Variants in UBE2J2 observed in about 807,000 individuals in gnomAD.
UBE2J2 encodes ubiquitin-conjugating enzyme E2 J2.
Under a neutral mutation model 28.6 loss-of-function variants are expected in UBE2J2, and 5 were observed. The ratio of observed to expected loss-of-function variants is 0.17; its 90% confidence interval spans 0.09 to 0.37. UBE2J2 has a LOEUF of 0.37. Ranked by LOEUF, UBE2J2 falls within the 10% of genes least tolerant of loss-of-function variation. UBE2J2 has a pLI of 1.00. For missense variants in UBE2J2, 226 were observed against 338.9 expected (o/e 0.67, Z 2.62); for synonymous variants, 138 against 139.7 (o/e 0.99, Z 0.09).
At chr1:1,261,881 G>A (rs1035158310) in intron 3 of UBE2J2, among the ~76,000 whole-genome samples, 3 of 147,272 alleles carry the variant, frequency 2.0e-5, no homozygotes, top group Admixed American at 2.0e-4. Context: ...ATCTCCTGAC[G>A]AGTTTCACTC....
At chr1:1,270,999 G>A (rs1570584297) in intron 1 of UBE2J2, among the ~76,000 whole-genome samples, 1 of 152,346 alleles carries the variant, frequency 6.6e-6, no homozygotes, top group East Asian at 1.9e-4. Context: ...TCCCGGCATA[G>A]CCAGAGCCAC....
chr1:1,266,021 G>A, intron 2 of UBE2J2: 2 of 1,292,550 alleles, frequency 1.5e-6, no homozygotes, highest in South Asian at 2.5e-5. Context: ...AGATTTGTGG[G>A]GAGGGATTTC....
At chr1:1,265,593 T>TG in intron 2 of UBE2J2, among the ~76,000 whole-genome samples, 1 of 126,544 alleles carries the variant, frequency 7.9e-6, no homozygotes, top group South Asian at 2.4e-4. Context: ...GTGTGTGTGT[T>TG]TTCTCTCCAT....
At chr1:1,269,883 T>A (rs1640060868) in intron 1 of UBE2J2, among the ~76,000 whole-genome samples, 1 of 152,198 alleles carries the variant, frequency 6.6e-6, no homozygotes, top group Non-Finnish European at 1.5e-5. Context: ...CTACCCAGTT[T>A]CCTTGCTGAT....
chr1:1,259,566 C>T (rs575587228), intron 3 of UBE2J2, among the ~76,000 whole-genome samples: 10 of 152,208 alleles, frequency 6.6e-5, no homozygotes, highest in Non-Finnish European at 1.5e-4. Flanking sequence ...TCATCTTAGG[C>T]CGCCTCGGCA....
chr1:1,263,150 C>CA, intron 3 of UBE2J2, 196 bp downstream of exon 3: 1 of 586,618 alleles, frequency 1.7e-6, no homozygotes, highest in Admixed American at 2.6e-5. Context: ...GCCCTGCAGG[C>CA]TGAGACACAT....
At chr1:1,269,537 T>C (rs1640045024) in intron 1 of UBE2J2, among the ~76,000 whole-genome samples, 1 of 151,854 alleles carries the variant, frequency 6.6e-6, no homozygotes, top group African/African-American at 2.4e-5. Context: ...CTCCGCTCAC[T>C]GCAACCTCTG....
chr1:1,260,619 C>T (rs1639500583), intron 3 of UBE2J2, among the ~76,000 whole-genome samples: 1 of 152,222 alleles, frequency 6.6e-6, no homozygotes, highest in South Asian at 2.1e-4. Flanking sequence ...AGGAAGCACC[C>T]ACTTGTCCTG....
At chr1:1,269,191 G>A (rs1285317655) in intron 1 of UBE2J2, among the ~76,000 whole-genome samples, 4 of 146,068 alleles carry the variant, frequency 2.7e-5, no homozygotes, top group African/African-American at 5.2e-5. Flanking sequence ...TGCAAGAGAG[G>A]AGGCTGGATC....
At position 1,268,665 on chromosome 1, in the gene UBE2J2, T is replaced by C. The variant is rs900815096; in HGVS notation, c.1-673A>G. ...AGCACAGTGAGGGCAGGGATAAGACTGGCCAGGGAGGCAGGGCCAGGGCAT... is the reference window on the plus strand; with the variant it reads ...AGCACAGTGAGGGCAGGGATAAGACCGGCCAGGGAGGCAGGGCCAGGGCAT... On this transcript the variant is annotated intron_variant, in intron 1 of 6. Coordinates refer to ENST00000349431, the MANE Select transcript of UBE2J2 (RefSeq NM_058167.3). This position sits in a 1 kb window ranked among gnomAD's most constrained non-coding sequence, Gnocchi z 4.7. Among the ~76,000 whole-genome samples the C allele has an allele frequency of 2.6e-5, 4 of 152,174 alleles. No individual in the cohort carries two copies. Among genetic ancestry groups the C allele is most frequent in the Admixed American group, 2.6e-4 (4 of 15,272 alleles).
rs1324571028 is a variant in UBE2J2, at chr1:1,253,995, T to C, written c.*1208A>G. On this transcript the variant is annotated 3_prime_UTR_variant, in exon 7 of 7. Coordinates refer to ENST00000349431, the MANE Select transcript of UBE2J2 (RefSeq NM_058167.3). The stretch of plus-strand genomic sequence containing the variant: ...TACAATTGGTAAATTATAGAGCAAT[T>C]CTGAATAAACTGATCAAAAAACGAA... 3 of 152,156 alleles carry C rather than the reference T, an allele frequency of 2.0e-5. No individual in the cohort carries two copies. The highest frequency in any genetic ancestry group is 7.2e-5 in the African/African-American group (3 of 41,406). 9.4% of individuals were successfully genotyped at this position (152,156 alleles called of 1,614,324 possible).
chr1:1,272,743 T>C, intron 1 of UBE2J2: 1 of 170,984 alleles, frequency 5.8e-6, no homozygotes, highest in South Asian at 8.6e-5. Flanking sequence ...AGAGTGGAAC[T>C]GCTAAGGAGG....
rs184807434 is a variant in UBE2J2 at position 1,270,638 on chromosome 1, G to A, written c.1-2646C>T. 2.2e-3 allele frequency among the ~76,000 whole-genome samples: 334 copies of A among 152,184 alleles called. 1 individual carries two copies. The highest frequency in any genetic ancestry group is 7.5e-3 in the African/African-American group (312 of 41,506). ...CCACAGGAGCCTCCCAACTCCCCCC[G>A]TGGGTCCAGAAGGTCTGAGCTTCTA... On this transcript the variant is annotated intron_variant, in intron 1 of 6. Coordinates refer to ENST00000349431, the MANE Select transcript of UBE2J2 (RefSeq NM_058167.3).
At chr1:1,258,184 C>T (rs959538290) in intron 3 of UBE2J2, among the ~76,000 whole-genome samples, 1 of 149,724 alleles carries the variant, frequency 6.7e-6, no homozygotes, top group Non-Finnish European at 1.5e-5. Flanking sequence ...GGACTATAGG[C>T]GCGCGCCACC....
At chr1:1,258,254 G>A (rs1283669216) in intron 3 of UBE2J2, among the ~76,000 whole-genome samples, 3 of 152,042 alleles carry the variant, frequency 2.0e-5, no homozygotes, top group East Asian at 3.9e-4. Context: ...TGTTAGCCAG[G>A]ATGGTCTCTA....
Position 1,255,154 on chromosome 1 carries a change from T to G in UBE2J2, c.*49A>C. On this transcript the variant is annotated 3_prime_UTR_variant, in exon 7 of 7. Transcript: ENST00000349431. ...TGTGTCCAGCCTGCCGAGGTCACGC[T>G]CTGGTGCGCGGTGCCCTCAGTGGCG... 1.3e-6 allele frequency: 2 copies of G among 1,524,830 alleles called. No individual in the cohort carries two copies. Among genetic ancestry groups the G allele is most frequent in the Non-Finnish European group, 1.8e-6 (2 of 1,131,196 alleles). 94.5% of individuals were successfully genotyped at this position (1,524,830 alleles called of 1,614,324 possible). A position where few individuals can be genotyped will look rare whatever the true frequency, so the allele number is the denominator to read the frequency against.
At chr1:1,255,552 C>T (rs1213202153) in intron 6 of UBE2J2, 65 bp from the exon 7 acceptor site, 8 of 1,529,328 alleles carry the variant, frequency 5.2e-6, no homozygotes, top group South Asian at 1.2e-5. Context: ...CCAGCACTCC[C>T]GTTCTCAGGA....
At position 1,256,134 on chromosome 1, in the gene UBE2J2, G is replaced by A; in HGVS notation, c.415-9C>T. On this transcript the variant is annotated splice_polypyrimidine_tract_variant and intron_variant, in intron 5 of 6. Coordinates refer to ENST00000349431, the MANE Select transcript of UBE2J2 (RefSeq NM_058167.3). ...ACTGCCAGTTGTCTTTTCTAGGAAGGAAGGGAAGGGAATCAGCCAGAAAAC... is the reference window on the plus strand; with the variant it reads ...ACTGCCAGTTGTCTTTTCTAGGAAGAAAGGGAAGGGAATCAGCCAGAAAAC... 4 of 1,589,678 alleles carry A rather than the reference G, an allele frequency of 2.5e-6. No homozygotes were observed. The highest frequency in any genetic ancestry group is 3.4e-6 in the Non-Finnish European group (4 of 1,159,630).
At chr1:1,271,974 C>CAA (rs60924258) in intron 1 of UBE2J2, among the ~76,000 whole-genome samples, 446 of 27,526 alleles carry the variant, frequency 0.016, 28 homozygotes, top group African/African-American at 0.021. Context: ...AACTCCGTCT[C>CAA]AAAAAAAAAA....
Sources: allele counts gnomAD v4.1 joint callset (sites outside exome capture counted in the v4.1 genomes callset), GRCh38; gene constraint gnomAD v4.1.1; non-coding constraint Gnocchi (gnomAD v3.1); transcripts MANE v1.5; gene names NCBI Gene and HGNC (gene_info 2026-07-23, HGNC 2026-07-21).